Variants in CFAP299 observed in about 807,000 individuals in gnomAD.
CFAP299 encodes the protein cilia and flagella associated protein 299.
In CFAP299, 21 loss-of-function variants were observed where a neutral mutation model predicts 27.0. That is an observed-to-expected ratio of 0.78 (90% confidence interval 0.55 to 1.12). CFAP299 has a LOEUF of 1.12. Among genes scored for constraint, CFAP299 ranks in the 50% most tolerant of loss-of-function variants. The pLI is 0.00. For missense variants in CFAP299, 310 were observed against 276.6 expected (o/e 1.12, Z -0.86); for synonymous variants, 104 against 98.1 (o/e 1.06, Z -0.36).
At chr4:80,943,092 T>G (rs1389169450) in intron 4 of CFAP299, among the ~76,000 whole-genome samples, 1 of 152,228 alleles carries the variant, frequency 6.6e-6, no homozygotes, top group Non-Finnish European at 1.5e-5. Flanking sequence ...AGGCCATGAA[T>G]GCACAATTCT....
chr4:80,535,866 C>T (rs367560586), intron 2 of CFAP299, among the ~76,000 whole-genome samples: 11 of 152,140 alleles, frequency 7.2e-5, no homozygotes, highest in African/African-American at 2.7e-4. Context: ...CCTCAGTTGG[C>T]CACCTCTAGA....
intron 2 of CFAP299, among the ~76,000 whole-genome samples, chr4:80,458,913 C>G (rs1729303515): frequency 6.6e-6 from 1 of 152,128 alleles, no homozygotes; most frequent in African/African-American, 2.4e-5. Flanking sequence ...TAAAACCAGG[C>G]AGCAAGCCTG....
At chr4:80,424,674 A>G (rs1375045890) in intron 2 of CFAP299, among the ~76,000 whole-genome samples, 1 of 152,206 alleles carries the variant, frequency 6.6e-6, no homozygotes, top group Admixed American at 6.5e-5. Context: ...AGAACAGCAT[A>G]TAACAATAAA....
At chr4:80,391,222 T>G (rs933990963) in intron 2 of CFAP299, among the ~76,000 whole-genome samples, 1 of 152,156 alleles carries the variant, frequency 6.6e-6, no homozygotes. Flanking sequence ...TAATTTCATT[T>G]CCTTGTATAC....
chr4:80,404,533 A>G (rs1726319872), intron 2 of CFAP299, among the ~76,000 whole-genome samples: 1 of 152,218 alleles, frequency 6.6e-6, no homozygotes, highest in African/African-American at 2.4e-5. Context: ...GTGGAATCAC[A>G]CAGTATTGCC....
chr4:80,498,968 A>G (rs984149617), intron 2 of CFAP299, among the ~76,000 whole-genome samples: 6 of 152,180 alleles, frequency 3.9e-5, no homozygotes, highest in Admixed American at 2.0e-4. Flanking sequence ...GCTGGAGGCC[A>G]TTATCCTAAG....
At chr4:80,417,164 A>G (rs900975947) in intron 2 of CFAP299, among the ~76,000 whole-genome samples, 1 of 152,204 alleles carries the variant, frequency 6.6e-6, no homozygotes, top group Non-Finnish European at 1.5e-5. Flanking sequence ...TGATGTTGCC[A>G]TGGCATTTGT....
In CFAP299 at chr4:80,667,807, T is replaced by C. The variant is rs72661714; in HGVS notation, c.333+84624T>C. On this transcript the variant is annotated intron_variant, in intron 3 of 5. Coordinates refer to ENST00000358105, the MANE Select transcript of CFAP299 (RefSeq NM_152770.3). ...TAGGAGTGTAGATAGCTCTTTGATATATTGATTTCCTTTATTTTTGATGTA... is the reference window on the plus strand; with the variant it reads ...TAGGAGTGTAGATAGCTCTTTGATACATTGATTTCCTTTATTTTTGATGTA... 1.9e-3 allele frequency among the ~76,000 whole-genome samples: 295 copies of C among 152,094 alleles called. 1 individual carries two copies. The highest frequency in any genetic ancestry group is 3.5e-3 in the Non-Finnish European group (236 of 67,940).
intron 3 of CFAP299, among the ~76,000 whole-genome samples, chr4:80,650,193 A>G (rs1302657219): frequency 6.6e-6 from 1 of 152,096 alleles, no homozygotes; most frequent in Non-Finnish European, 1.5e-5. Flanking sequence ...ATATATTGGA[A>G]ATTATACTTT....
chr4:80,402,223 G>C (rs574710462), intron 2 of CFAP299, among the ~76,000 whole-genome samples: 117 of 152,228 alleles, frequency 7.7e-4, no homozygotes, highest in Middle Eastern at 3.4e-3. Flanking sequence ...TGTTAGGAAG[G>C]CATGATTTGT....
At chr4:80,758,894 T>C (rs1725401599) in intron 3 of CFAP299, among the ~76,000 whole-genome samples, 1 of 152,144 alleles carries the variant, frequency 6.6e-6, no homozygotes, top group African/African-American at 2.4e-5. Flanking sequence ...ATTCTATTGG[T>C]CAAAATAAAT....
In CFAP299 at chr4:80,803,782, A is replaced by G. The variant is rs1728729293; in HGVS notation, c.334-66211A>G. 6.0e-5 allele frequency among the ~76,000 whole-genome samples: 9 copies of G among 151,072 alleles called. No homozygotes were observed. The Admixed American group carries it at 6.0e-4, about 10-fold the overall frequency. ...TCTATAAAATATTATATTTTCTGCAACGTTTTTATTGTGGTAAGGTACACA... is the reference window on the plus strand; with the variant it reads ...TCTATAAAATATTATATTTTCTGCAGCGTTTTTATTGTGGTAAGGTACACA... On this transcript the variant is annotated intron_variant, in intron 3 of 5. Coordinates refer to ENST00000358105, the MANE Select transcript of CFAP299 (RefSeq NM_152770.3).
At chr4:80,480,019 A>G (rs1012821206) in intron 2 of CFAP299, among the ~76,000 whole-genome samples, 1 of 152,022 alleles carries the variant, frequency 6.6e-6, no homozygotes, top group Non-Finnish European at 1.5e-5. Context: ...ATGCAGCTGT[A>G]GCAATTTAAT....
Position 80,387,836 on chromosome 4 carries a change from C to T in CFAP299, c.242+24952C>T. ...GGCTTCCCTGTAGCTTCCAGGAGTC[C>T]CCTGGTACCTTTAGCCCGTGGGGTC... is the stretch of plus-strand genomic sequence containing the variant. On this transcript the variant is annotated intron_variant, in intron 2 of 5. Coordinates refer to ENST00000358105, the MANE Select transcript of CFAP299 (RefSeq NM_152770.3). 4.2e-6 allele frequency: 6 copies of T among 1,437,416 alleles called. No individual in the cohort carries two copies. The South Asian group carries it at 5.7e-5, about 14-fold the overall frequency. The allele number at this position is 1,437,416 out of a possible 1,614,324, so 89.0% of individuals were successfully genotyped here. A position where few individuals can be genotyped will look rare whatever the true frequency, so the allele number is the denominator to read the frequency against.
chr4:80,808,554 G>A (rs148861432), intron 3 of CFAP299, among the ~76,000 whole-genome samples: 109 of 152,182 alleles, frequency 7.2e-4, no homozygotes, highest in African/African-American at 2.5e-3. Context: ...ATTTTGTGAA[G>A]TGGAGGTCTT....
intron 2 of CFAP299, among the ~76,000 whole-genome samples, chr4:80,547,924 G>A (rs905725396): frequency 6.6e-6 from 1 of 152,128 alleles, no homozygotes; most frequent in Non-Finnish European, 1.5e-5. Context: ...TACTCTGCTG[G>A]TAAGAATGTA....
intron 2 of CFAP299, among the ~76,000 whole-genome samples, chr4:80,498,598 T>C (rs148303787): frequency 2.2e-4 from 33 of 151,638 alleles, no homozygotes; most frequent in African/African-American, 8.0e-4. Flanking sequence ...AAAAATCAGA[T>C]GATGGTGAGG....
At chr4:80,828,328 T>A (rs1323813256) in intron 3 of CFAP299, among the ~76,000 whole-genome samples, 3 of 152,006 alleles carry the variant, frequency 2.0e-5, no homozygotes, top group Admixed American at 6.6e-5. Context: ...AGTGTGATAC[T>A]GGCACAGAAG....
intron 3 of CFAP299, among the ~76,000 whole-genome samples, chr4:80,799,917 A>ATT (rs1728289248): frequency 2.3e-5 from 1 of 44,244 alleles, no homozygotes; most frequent in South Asian, 7.3e-4. Context: ...TATAATATAT[A>ATT]ATATATATAT....
Sources: allele counts gnomAD v4.1 joint callset (sites outside exome capture counted in the v4.1 genomes callset), GRCh38; gene constraint gnomAD v4.1.1; transcripts MANE v1.5; gene names NCBI Gene and HGNC (gene_info 2026-07-23, HGNC 2026-07-21).